Variants in ADK observed in about 807,000 individuals in gnomAD.
ADK encodes adenosine kinase, also known as N6,N6-dimethyladenosine kinase.
In ADK, 24 loss-of-function variants were observed where a neutral mutation model predicts 44.7. The observed-to-expected ratio is 0.54, with a 90% CI of 0.39 to 0.76. The LOEUF (loss-of-function observed/expected upper bound fraction) is 0.76, where lower values mean the gene tolerates loss of function less well. ADK is among the 30% of genes least tolerant of loss of function. ADK has a pLI of 0.00. For missense variants in ADK, 321 were observed against 425.1 expected (o/e 0.76, Z 2.15); for synonymous variants, 128 against 142.6 (o/e 0.90, Z 0.73).
At chr10:74,701,366 A>T (rs1195648087) in intron 10 of ADK, among the ~76,000 whole-genome samples, 2 of 152,180 alleles carry the variant, frequency 1.3e-5, no homozygotes, top group African/African-American at 4.8e-5. Flanking sequence ...AGCTCTGTTC[A>T]TTAACATGGT....
intron 6 of ADK, among the ~76,000 whole-genome samples, chr10:74,430,301 A>G (rs1457305665): frequency 6.6e-6 from 1 of 152,222 alleles, no homozygotes; most frequent in African/African-American, 2.4e-5. Flanking sequence ...ATTGACACTG[A>G]TATAGTCAAG....
intron 10 of ADK, among the ~76,000 whole-genome samples, chr10:74,675,125 C>G (rs1855340193): frequency 6.6e-6 from 1 of 151,968 alleles, no homozygotes; most frequent in Admixed American, 6.6e-5. Flanking sequence ...CTTTGCATAT[C>G]TATATTTTAG....
chr10:74,326,613 T>TA (rs1382294869), intron 4 of ADK, among the ~76,000 whole-genome samples: 1 of 151,898 alleles, frequency 6.6e-6, no homozygotes, highest in East Asian at 1.9e-4. Context: ...CCTGTCTCTT[T>TA]AAAAAAACAG....
At chr10:74,211,499 C>A (rs1268824620) in intron 2 of ADK, among the ~76,000 whole-genome samples, 2 of 152,028 alleles carry the variant, frequency 1.3e-5, no homozygotes, top group Non-Finnish European at 2.9e-5. Context: ...TGATCATTTG[C>A]TAAATCTGTT....
chr10:74,357,924 T>C (rs1842201004), intron 4 of ADK, among the ~76,000 whole-genome samples: 1 of 152,140 alleles, frequency 6.6e-6, no homozygotes. Flanking sequence ...TACATACATA[T>C]TTCAGAATAT....
chr10:74,407,183 T>G (rs959353582), intron 6 of ADK, among the ~76,000 whole-genome samples: 1 of 152,010 alleles, frequency 6.6e-6, no homozygotes, highest in Non-Finnish European at 1.5e-5. Context: ...CTCAAACTCC[T>G]GAACTCAACT....
intron 3 of ADK, among the ~76,000 whole-genome samples, chr10:74,300,263 C>T (rs12573347): frequency 0.71 from 85,719 of 120,936 alleles, 29,929 homozygotes; most frequent in Middle Eastern, 0.85. Context: ...TCCTTGTTTC[C>T]TTCCTTCCTT....
intron 2 of ADK, among the ~76,000 whole-genome samples, chr10:74,219,662 A>C (rs1412895173): frequency 6.6e-6 from 1 of 151,992 alleles, no homozygotes; most frequent in Non-Finnish European, 1.5e-5. Flanking sequence ...AAATTATAAC[A>C]AACTGTCTCT....
chr10:74,513,748 G>A (rs1288929024), intron 6 of ADK, among the ~76,000 whole-genome samples: 1 of 152,056 alleles, frequency 6.6e-6, no homozygotes, highest in East Asian at 1.9e-4. Flanking sequence ...ATTGATAGGT[G>A]AGGACTTACT....
rs184371608 is a variant in ADK at position 74,586,093 on chromosome 10, G to A, written c.727-3189G>A. ...TCTTACTGGGTCAAACTGTTCCCCCGTGTTGTTTTGTTTGTTTTGCTGACA... is the reference window on the plus strand; with the variant it reads ...TCTTACTGGGTCAAACTGTTCCCCCATGTTGTTTTGTTTGTTTTGCTGACA... On this transcript the variant is annotated intron_variant, in intron 7 of 10. Coordinates refer to ENST00000539909, the MANE Select transcript of ADK (RefSeq NM_006721.4). Among the ~76,000 whole-genome samples, 244 of 152,148 alleles carry A rather than the reference G, an allele frequency of 1.6e-3. 1 individual carries two copies. The highest frequency in any genetic ancestry group is 5.6e-3 in the African/African-American group (233 of 41,512).
chr10:74,414,911 T>C (rs1844316551), intron 6 of ADK, among the ~76,000 whole-genome samples: 1 of 152,200 alleles, frequency 6.6e-6, no homozygotes, highest in Non-Finnish European at 1.5e-5. Context: ...TTAACTCTTA[T>C]TTTTGGCAGC....
At chr10:74,572,036 T>A (rs546202324) in intron 7 of ADK, among the ~76,000 whole-genome samples, 2 of 152,328 alleles carry the variant, frequency 1.3e-5, no homozygotes, top group South Asian at 4.1e-4. Context: ...GTGAATTTGA[T>A]CCTGTCATTA....
chr10:74,380,137 GT>G (rs1442993087), intron 4 of ADK, among the ~76,000 whole-genome samples: 1 of 152,032 alleles, frequency 6.6e-6, no homozygotes, highest in Non-Finnish European at 1.5e-5. Context: ...TCTGTGTAAT[GT>G]TTTTGTTTGC....
chr10:74,346,610 G>A (rs1159895129), intron 4 of ADK, among the ~76,000 whole-genome samples: 1 of 152,144 alleles, frequency 6.6e-6, no homozygotes, highest in Non-Finnish European at 1.5e-5. Flanking sequence ...TTACAGTAAG[G>A]ATCGAGTAGC....
intron 4 of ADK, among the ~76,000 whole-genome samples, chr10:74,350,173 ACTC>A (rs1027734586): frequency 9.9e-5 from 15 of 152,226 alleles, no homozygotes; most frequent in African/African-American, 3.6e-4. Context: ...AAAGTAAAAC[ACTC>A]CTCAGCAAAT....
Position 74,634,440 on chromosome 10 carries a change from G to A in ADK, c.877+33947G>A, listed in dbSNP as rs189960481. ...TCACCGTGTTAGCCAGGATGGTCTCGATCTCCTGACCTCGGGATCCGCCCG... is the reference window on the plus strand; with the variant it reads ...TCACCGTGTTAGCCAGGATGGTCTCAATCTCCTGACCTCGGGATCCGCCCG... On this transcript the variant is annotated intron_variant, in intron 9 of 10. Coordinates refer to ENST00000539909, the MANE Select transcript of ADK (RefSeq NM_006721.4). Among the ~76,000 whole-genome samples, 702 of 152,054 alleles carry A rather than the reference G, an allele frequency of 4.6e-3. 3 individuals are homozygous for A. Among genetic ancestry groups the A allele is most frequent in the African/African-American group, 0.015 (622 of 41,494 alleles).
At chr10:74,700,101 A>C (rs1198113507) in intron 10 of ADK, among the ~76,000 whole-genome samples, 1 of 152,206 alleles carries the variant, frequency 6.6e-6, no homozygotes, top group African/African-American at 2.4e-5. Flanking sequence ...AGCATTGTTT[A>C]TATTTCCAAA....
At chr10:74,298,192 A>G (rs952796457) in intron 3 of ADK, among the ~76,000 whole-genome samples, 6 of 152,192 alleles carry the variant, frequency 3.9e-5, no homozygotes, top group Admixed American at 2.0e-4. Flanking sequence ...CATAATTCTC[A>G]TAAAAATTCA....
At chr10:74,460,960 G>A (rs1277487014) in intron 6 of ADK, among the ~76,000 whole-genome samples, 1 of 152,148 alleles carries the variant, frequency 6.6e-6, no homozygotes, top group Admixed American at 6.5e-5. Flanking sequence ...CTGTCTAGCA[G>A]ATGAATGAAT....
Sources: gnomAD v4.1 joint callset for allele counts (sites outside exome capture counted in the v4.1 genomes callset) on GRCh38, gnomAD v4.1.1 for gene constraint, MANE v1.5 for transcripts, NCBI Gene and HGNC (gene_info 2026-07-23, HGNC 2026-07-21) for gene names.